ABCC4: variants seen among roughly 807,000 people sequenced by gnomAD.
ABCC4 encodes the protein ATP-binding cassette sub-family C member 4.
ABCC4 carries 102 observed loss-of-function variants against 168.5 expected under a neutral mutation model. The ratio of observed to expected loss-of-function variants is 0.61; its 90% CI spans 0.52 to 0.71. The LOEUF (loss-of-function observed/expected upper bound fraction) is 0.71, where lower values mean the gene tolerates loss of function less well. Among genes scored for constraint, ABCC4 ranks in the 30% least tolerant of loss-of-function variants. The pLI is 0.00. For missense variants in ABCC4, 1,402 were observed against 1,605.8 expected (o/e 0.87, Z 2.17); for synonymous variants, 617 against 590.7 (o/e 1.04, Z -0.65).
At chr13:95,222,546 C>A (rs1231932651) in intron 4 of ABCC4, among the ~76,000 whole-genome samples, 2 of 152,200 alleles carry the variant, frequency 1.3e-5, no homozygotes, top group African/African-American at 4.8e-5. Context: ...GGGGGTGCTA[C>A]AAGTCCTTGG....
intron 1 of ABCC4, among the ~76,000 whole-genome samples, chr13:95,268,194 T>C (rs1251086489): frequency 3.3e-5 from 5 of 152,194 alleles, no homozygotes; most frequent in African/African-American, 1.2e-4. Context: ...TGTTGACTCA[T>C]GATTTAATGA....
At chr13:95,068,682 T>G (rs1241695803) in intron 25 of ABCC4, among the ~76,000 whole-genome samples, 1 of 152,134 alleles carries the variant, frequency 6.6e-6, no homozygotes, top group Admixed American at 6.5e-5. Flanking sequence ...ACATTTCAGA[T>G]CTCAGGTAAT....
Position 95,247,061 on chromosome 13 carries a change from C to T in ABCC4, c.220G>A (p.Asp74Asn). Residue 74 changes from aspartate (D) to asparagine (N), a missense_variant, in exon 3 of 31, where the codon GAC (aspartate) becomes AAC (asparagine). By Grantham distance (23) the Asp-to-Asn change is conservative (BLOSUM62 1). Transcript: ENST00000645237. ...WDKEVLRAEN[D>N]AQKPSLTRAI... The stretch of plus-strand genomic sequence containing the variant: ...CTTGTTAAAGAAGGCTTCTGTGCGT[C>T]ATTCTCAGCTCTTAAAACTTCTTTA... 1.2e-6 allele frequency: 2 copies of T among 1,613,642 alleles called. No homozygotes were observed. Among genetic ancestry groups the T allele is most frequent in the Non-Finnish European group, 1.7e-6 (2 of 1,179,576 alleles).
intron 14 of ABCC4, 144 bp downstream of exon 14, chr13:95,170,388 G>A: frequency 3.7e-6 from 2 of 533,568 alleles, no homozygotes; most frequent in Non-Finnish European, 6.6e-6. Context: ...ATGTAATAAT[G>A]ACATTTCTAC....
chr13:95,151,590 A>AAGAAGGAGGAGG (rs2036684923), intron 19 of ABCC4, among the ~76,000 whole-genome samples: 1 of 136,800 alleles, frequency 7.3e-6, no homozygotes, highest in Non-Finnish European at 1.5e-5. Flanking sequence ...GGAGAAGGAG[A>AAGAAGGAGGAGG]AGAAGGAGGA....
At chr13:95,046,203 TC>T (rs1359665892) in intron 27 of ABCC4, among the ~76,000 whole-genome samples, 1 of 152,196 alleles carries the variant, frequency 6.6e-6, no homozygotes, top group Admixed American at 6.5e-5. Flanking sequence ...TATTAGCTTT[TC>T]CTTCTGAGTT....
intron 5 of ABCC4, 128 bp from the exon 6 acceptor site, chr13:95,209,725 C>G: frequency 1.1e-6 from 1 of 939,426 alleles, no homozygotes; most frequent in Non-Finnish European, 1.5e-6. Context: ...AGTGGGTTTA[C>G]ACCTGCTAAA....
chr13:95,235,402 T>C (rs995893371), intron 3 of ABCC4, among the ~76,000 whole-genome samples: 1 of 152,152 alleles, frequency 6.6e-6, no homozygotes, highest in Admixed American at 6.5e-5. Context: ...TAAAGCACAC[T>C]TGGCAAACTA....
Position 95,275,810 on chromosome 13 carries a change from A to G in ABCC4, c.74+25431T>C, listed in dbSNP as rs367995187. Among the ~76,000 whole-genome samples the G allele has an allele frequency of 2.0e-5, 3 of 151,982 alleles. No homozygotes were observed. The East Asian group carries it at 5.8e-4, about 29-fold the overall frequency. On this transcript the variant is annotated intron_variant, in intron 1 of 30. Transcript: ENST00000645237. Reference sequence around the variant, plus strand: ...GTCTAAAACTGTTAACACTGATTCAAAATATAATAACCTTTATGCCTGTTA... The same window carrying G: ...GTCTAAAACTGTTAACACTGATTCAGAATATAATAACCTTTATGCCTGTTA...
At chr13:95,129,165 A>G (rs988152496) in intron 19 of ABCC4, among the ~76,000 whole-genome samples, 4 of 152,234 alleles carry the variant, frequency 2.6e-5, no homozygotes, top group African/African-American at 9.6e-5. Flanking sequence ...ACCTCTCTTT[A>G]AAGGACTCCT....
At chr13:95,291,247 T>C (rs1317592289) in intron 1 of ABCC4, among the ~76,000 whole-genome samples, 1 of 151,480 alleles carries the variant, frequency 6.6e-6, no homozygotes, top group Non-Finnish European at 1.5e-5. Context: ...CCCAGCTACT[T>C]GGGGGGCTGA....
chr13:95,091,609 TAC>T (rs1320696404), intron 20 of ABCC4, among the ~76,000 whole-genome samples: 1 of 152,136 alleles, frequency 6.6e-6, no homozygotes, highest in African/African-American at 2.4e-5. Flanking sequence ...GAGAATTCAC[TAC>T]TACCAAACCA....
At chr13:95,043,809 T>A (rs754645147) in intron 28 of ABCC4, 22 bp from the exon 29 acceptor site, 1 of 1,570,008 alleles carries the variant, frequency 6.4e-7, no homozygotes, top group African/African-American at 1.4e-5. Context: ...GAAGTTAAGT[T>A]TAATTTCGTA....
intron 21 of ABCC4, among the ~76,000 whole-genome samples, chr13:95,079,819 G>A (rs1311747433): frequency 6.6e-6 from 1 of 152,148 alleles, no homozygotes; most frequent in African/African-American, 2.4e-5. Flanking sequence ...CTGGGCAACA[G>A]AGTGAGACTA....
At chr13:95,140,542 C>A (rs1350605258) in intron 19 of ABCC4, among the ~76,000 whole-genome samples, 1 of 151,758 alleles carries the variant, frequency 6.6e-6, no homozygotes, top group Non-Finnish European at 1.5e-5. Context: ...AATCTGGGAA[C>A]TAAGAAGAGA....
chr13:95,284,335 G>A (rs978187726), intron 1 of ABCC4, among the ~76,000 whole-genome samples: 2 of 152,036 alleles, frequency 1.3e-5, no homozygotes, highest in South Asian at 2.1e-4. Flanking sequence ...CTACAGGTGT[G>A]CACCACCATG....
intron 10 of ABCC4, among the ~76,000 whole-genome samples, chr13:95,187,844 C>T (rs2038118279): frequency 6.6e-6 from 1 of 152,132 alleles, no homozygotes; most frequent in African/African-American, 2.4e-5. Context: ...CTACAATGCA[C>T]AGACATGACG....
intron 19 of ABCC4, among the ~76,000 whole-genome samples, chr13:95,148,591 A>AAC (rs55998383): frequency 0.34 from 44,323 of 129,364 alleles, 8,484 homozygotes; most frequent in Non-Finnish European, 0.44. Context: ...TACCCATCAC[A>AAC]ACACACACAC....
intron 19 of ABCC4, among the ~76,000 whole-genome samples, chr13:95,128,369 G>A (rs551038373): frequency 2.6e-5 from 4 of 152,200 alleles, no homozygotes; most frequent in South Asian, 2.1e-4. Context: ...TGAAAGAATC[G>A]AAACTCTTTT....
Sources: gnomAD v4.1 joint callset for allele counts (sites outside exome capture counted in the v4.1 genomes callset) on GRCh38, gnomAD v4.1.1 for gene constraint, MANE v1.5 for transcripts, NCBI Gene and HGNC (gene_info 2026-07-23, HGNC 2026-07-21) for gene names.